PKM: variants seen among roughly 807,000 people sequenced by gnomAD.
The protein encoded by PKM is pyruvate kinase PKM.
In PKM, 18 loss-of-function variants were observed where a neutral mutation model predicts 49.8. The observed-to-expected ratio is 0.36, with a 90% CI of 0.25 to 0.54. The LOEUF (loss-of-function observed/expected upper bound fraction) is 0.54, where lower values mean the gene tolerates loss of function less well. Among genes scored for constraint, PKM ranks in the 20% least tolerant of loss-of-function variants. The pLI is 0.89. For missense variants in PKM, 508 were observed against 713.8 expected, an observed-to-expected ratio of 0.71 and a Z score of 3.28; for synonymous variants, 239 against 261.8, an observed-to-expected ratio of 0.91 and a Z score of 0.84.
At position 72,202,929 on chromosome 15, in the gene PKM, C is replaced by T; in HGVS notation, c.1141-309G>A. The T allele has an allele frequency of 7.7e-7, 1 of 1,302,854 alleles. No individual in the cohort carries two copies. 80.7% of individuals were successfully genotyped at this position (1,302,854 alleles called of 1,614,324 possible). ...TACAGACGAGAAGAGGCTCTGTGCC[C>T]AGATGCCAGGTTGGGCCTGGCTGTC... On this transcript the variant is annotated intron_variant, in intron 8 of 10. Transcript: ENST00000335181. The surrounding 1 kb of genome is among the most constrained non-coding windows in gnomAD (Gnocchi z 4.5).
Position 72,200,793 on chromosome 15 carries a change from C to T in PKM, c.1308-138G>A. 7.1e-6 allele frequency: 5 copies of T among 701,050 alleles called. No individual in the cohort carries two copies. In the South Asian group the frequency reaches 9.5e-5, roughly 13 times the overall value. 43.4% of individuals were successfully genotyped at this position (701,050 alleles called of 1,614,324 possible). On this transcript the variant is annotated intron_variant, in intron 9 of 10. Transcript: ENST00000335181. The surrounding 1 kb of genome is among the most constrained non-coding windows in gnomAD (Gnocchi z 4.6). ...TCTTCAACATCTGCTCCCTAGGACC[C>T]CTCCCGAGGCTCGGGCAGCCCCTCA...
chr15:72,209,396 A>AATACATATATATATATATATAT (rs1268011418), intron 5 of PKM: 1 of 78,984 alleles, frequency 1.3e-5, no homozygotes, highest in African/African-American at 6.0e-5. Context: ...CAGCGAAACA[A>AATACATATATATATATATATAT]ATATATATAT....
intron 1 of PKM, among the ~76,000 whole-genome samples, chr15:72,223,959 G>A (rs1054177074): frequency 6.6e-6 from 1 of 151,960 alleles, no homozygotes; most frequent in Non-Finnish European, 1.5e-5. Flanking sequence ...TTTCTTCGGG[G>A]CTGAAAGTAA....
In PKM at chr15:72,208,881, G is replaced by A; in HGVS notation, c.576C>T (p.Phe192=). 2 of 1,613,904 alleles carry A rather than the reference G, an allele frequency of 1.2e-6. No homozygotes were observed. The highest frequency in any genetic ancestry group is 1.1e-5 in the South Asian group (1 of 91,068). ...SLQVKQKGAD[F]LVTEVENGGS... is the part of the protein sequence containing the mutation. ...CACCATTTTCCACCTCCGTCACCAG[G>A]AAGTCGGCACCTGTATGAAAAAGGG... The change falls in exon 6 of 11, where the codon TTC becomes TTT. Residue 192 remains phenylalanine, a synonymous_variant. Transcript: ENST00000335181.
At chr15:72,220,708 G>T (rs1287215108) in intron 1 of PKM, among the ~76,000 whole-genome samples, 1 of 152,206 alleles carries the variant, frequency 6.6e-6, no homozygotes, top group African/African-American at 2.4e-5. Context: ...CACCTAGTAT[G>T]TGGAAGCATT....
intron 5 of PKM, 152 bp from the exon 6 acceptor site, chr15:72,209,043 T>A: frequency 1.3e-6 from 1 of 782,870 alleles, no homozygotes; most frequent in Non-Finnish European, 2.1e-6. Flanking sequence ...CTACACTGTG[T>A]AATCCTGGGC....
Position 72,200,635 on chromosome 15 carries a change from C to T in PKM, c.1328G>A (p.Arg443Lys), listed in dbSNP as rs2081921458. The change falls in exon 10 of 11, where the codon AGA (arginine) becomes AAA (lysine). Residue 443 changes from arginine to lysine, a missense_variant. Coordinates refer to ENST00000335181, the MANE Select transcript of PKM (RefSeq NM_002654.6). The surrounding 1 kb of genome is among the most constrained non-coding windows in gnomAD (Gnocchi z 4.6). ...AATGATGGGGGCACGTGGGCGGTAT[C>T]TGGCCACCTGGTGAGCAGACCTGAG... ...KSGRSAHQVA[R>K]YRPRAPIIAV... 1 of 1,612,812 alleles carries T rather than the reference C, an allele frequency of 6.2e-7. No homozygotes were observed. The highest frequency in any genetic ancestry group is 1.7e-5 in the Admixed American group (1 of 59,966).
chr15:72,208,029 A>AT (rs2082131406), intron 6 of PKM, among the ~76,000 whole-genome samples: 1 of 152,168 alleles, frequency 6.6e-6, no homozygotes, highest in African/African-American at 2.4e-5. Flanking sequence ...AGCATTGGGG[A>AT]GGGGGTAAGC....
intron 3 of PKM, among the ~76,000 whole-genome samples, chr15:72,216,418 T>C (rs1222078146): frequency 6.6e-6 from 1 of 152,124 alleles, no homozygotes; most frequent in East Asian, 1.9e-4. Flanking sequence ...CCCAGGAGTT[T>C]GAGACCAGCC....
At position 72,229,094 on chromosome 15, in the gene PKM, G is replaced by T. The variant is rs1038653753; in HGVS notation, c.-14+2022C>A. On this transcript the variant is annotated intron_variant, in intron 1 of 10. Coordinates refer to ENST00000335181, the MANE Select transcript of PKM (RefSeq NM_002654.6). ...TGGGGAACTGGTTTCCAGGAGACAC[G>T]TGGTTATTCAGAGAGCCTGATTCCT... Among the ~76,000 whole-genome samples the T allele has an allele frequency of 3.9e-5, 6 of 152,216 alleles. 1 individual carries two copies. The highest frequency in any genetic ancestry group is 2.6e-4 in the Admixed American group (4 of 15,284).
At chr15:72,219,410 C>T (rs751128306) in intron 1 of PKM, 2 of 265,786 alleles carry the variant, frequency 7.5e-6, no homozygotes, top group Non-Finnish European at 1.5e-5. Context: ...CTGACATCTA[C>T]CTAGACAGCT....
intron 5 of PKM, chr15:72,209,396 A>AATACATATATAT (rs1268011418): frequency 1.1e-4 from 9 of 78,984 alleles, no homozygotes; most frequent in African/African-American, 4.8e-4. Flanking sequence ...CAGCGAAACA[A>AATACATATATAT]ATATATATAT....
At chr15:72,217,571 G>A (rs892508182) in intron 2 of PKM, 71 bp from the exon 3 acceptor site, 6 of 1,076,816 alleles carry the variant, frequency 5.6e-6, no homozygotes, top group Non-Finnish European at 8.5e-6. Flanking sequence ...GTTTGCTTAA[G>A]TTTAAAGAAT....
In PKM at chr15:72,200,826, T is replaced by A; in HGVS notation, c.1308-171A>T. The A allele has an allele frequency of 1.7e-6, 1 of 598,256 alleles. No homozygotes were observed. 37.1% of individuals were successfully genotyped at this position (598,256 alleles called of 1,614,324 possible). A position where few individuals can be genotyped will look rare whatever the true frequency, so the allele number is the denominator to read the frequency against. On this transcript the variant is annotated intron_variant, in intron 9 of 10. Transcript: ENST00000335181. This position sits in a 1 kb window ranked among gnomAD's most constrained non-coding sequence, Gnocchi z 4.6. ...GGCTCGGGCAGCCCCTCATCCTATA[T>A]CCCCCACAGCATGCTAGGTTACCAT...
chr15:72,210,794 C>G (rs1408750910), intron 3 of PKM, among the ~76,000 whole-genome samples: 2 of 152,204 alleles, frequency 1.3e-5, no homozygotes, highest in African/African-American at 4.8e-5. Context: ...ATAAAAGCAG[C>G]TGTGTCCCCA....
rs1257744962 is a variant in PKM, at chr15:72,203,352, A to G, written c.1141-732T>C. The stretch of plus-strand genomic sequence containing the variant: ...AGGCAGATGCAGAGGTAGGGTGATG[A>G]AAGTCCAACTGCTTCAGGAGGTGCT... On this transcript the variant is annotated intron_variant, in intron 8 of 10. Transcript: ENST00000335181. 9 of 651,726 alleles carry G rather than the reference A, an allele frequency of 1.4e-5. No homozygotes were observed. In the East Asian group the frequency reaches 1.6e-4, roughly 12 times the overall value. 40.4% of individuals were successfully genotyped at this position (651,726 alleles called of 1,614,324 possible).
At chr15:72,221,167 C>A in intron 1 of PKM, 1 of 1,512,122 alleles carries the variant, frequency 6.6e-7, no homozygotes, top group Non-Finnish European at 8.9e-7. Flanking sequence ...TCAGGTCATA[C>A]CTTTGGTTCT....
chr15:72,221,830 AC>A (rs921308323), intron 1 of PKM, among the ~76,000 whole-genome samples: 6 of 151,826 alleles, frequency 4.0e-5, no homozygotes, highest in African/African-American at 7.3e-5. Flanking sequence ...AAAAAAAAAA[AC>A]GATACAAGTC....
intron 6 of PKM, among the ~76,000 whole-genome samples, chr15:72,207,783 T>C (rs919170763): frequency 2.6e-5 from 4 of 152,266 alleles, no homozygotes; most frequent in Admixed American, 1.3e-4. Flanking sequence ...CAAGTTCAGC[T>C]AGCCTATGGC....
Sources: allele counts gnomAD v4.1 joint callset (sites outside exome capture counted in the v4.1 genomes callset), GRCh38; gene constraint gnomAD v4.1.1; non-coding constraint Gnocchi (gnomAD v3.1); transcripts MANE v1.5; gene names NCBI Gene and HGNC (gene_info 2026-07-23, HGNC 2026-07-21).